Variants in GXYLT2 observed in about 807,000 individuals in gnomAD.
The protein encoded by GXYLT2 is glucoside xylosyltransferase 2.
In GXYLT2, 53 loss-of-function variants were observed where a neutral mutation model predicts 45.8. The observed-to-expected ratio is 1.16, with a 90% CI of 0.93 to 1.46. The LOEUF (loss-of-function observed/expected upper bound fraction) is 1.46, where lower values mean the gene tolerates loss of function less well. Among genes scored for constraint, GXYLT2 ranks in the 40% most tolerant of loss-of-function variants. The probability of loss-of-function intolerance (pLI) is 0.00; values close to 1 mark genes in which losing one functional copy is unlikely to be tolerated. For synonymous variants in GXYLT2, 219 were observed against 214.2 expected, an observed-to-expected ratio of 1.02 and a Z score of -0.19; for missense variants, 551 against 544.4, an observed-to-expected ratio of 1.01 and a Z score of -0.12.
At chr3:72,906,643 A>G (rs1166711101) in intron 1 of GXYLT2, among the ~76,000 whole-genome samples, 2 of 152,198 alleles carry the variant, frequency 1.3e-5, no homozygotes, top group African/African-American at 4.8e-5. Context: ...ACATAACAGT[A>G]CTTAGTAAAG....
intron 3 of GXYLT2, among the ~76,000 whole-genome samples, chr3:72,947,077 C>T (rs1198124451): frequency 6.6e-6 from 1 of 152,034 alleles, no homozygotes; most frequent in Non-Finnish European, 1.5e-5. Context: ...TTTTCAAACT[C>T]CTGGCCTCAA....
intron 3 of GXYLT2, chr3:72,929,116 C>A: frequency 1.3e-6 from 2 of 1,590,690 alleles, no homozygotes; most frequent in South Asian, 1.1e-5. Context: ...ACCGCTAGAT[C>A]AACCTGGAGC....
rs545446962 is a variant in GXYLT2 at position 72,943,671 on chromosome 3, C to A, written c.601-11427C>A. 5.9e-5 allele frequency among the ~76,000 whole-genome samples: 9 copies of A among 152,158 alleles called. No homozygotes were observed. The South Asian group carries it at 1.9e-3, about 32-fold the overall frequency. On this transcript the variant is annotated intron_variant, in intron 3 of 6. Transcript: ENST00000389617. ...GGATTACAGGCGTGATTACAGCACC[C>A]AGCCTCTTTTTCCTGTTCTTTATTA...
At chr3:72,907,022 G>T (rs1709524323) in intron 1 of GXYLT2, among the ~76,000 whole-genome samples, 1 of 152,192 alleles carries the variant, frequency 6.6e-6, no homozygotes, top group African/African-American at 2.4e-5. Context: ...TTAAAGATAA[G>T]ATTGGAGACA....
At chr3:72,921,129 A>G (rs973177535) in intron 2 of GXYLT2, among the ~76,000 whole-genome samples, 1 of 151,882 alleles carries the variant, frequency 6.6e-6, no homozygotes, top group Non-Finnish European at 1.5e-5. Context: ...CCTCATGCAT[A>G]TATTTTTTCC....
Position 72,922,227 on chromosome 3 carries a change from T to C in GXYLT2, c.492T>C (p.Tyr164=), listed in dbSNP as rs1709844529. The change falls in exon 3 of 7, where the codon TAT becomes TAC. Residue 164 remains tyrosine, a synonymous_variant. Coordinates refer to ENST00000389617, the MANE Select transcript of GXYLT2 (RefSeq NM_001080393.2). Reference sequence around the variant, plus strand: ...AGTTACGCCAGTGGCCTGACTCATATACAAAGAAGTTTGAGCACAGAATCT... The same window carrying C: ...AGTTACGCCAGTGGCCTGACTCATACACAAAGAAGTTTGAGCACAGAATCT... ...DKQLRQWPDS[Y]TKKFEHRIYP... is the part of the protein sequence containing the mutation. The C allele has an allele frequency of 6.2e-7, 1 of 1,613,694 alleles. No individual in the cohort carries two copies. Among genetic ancestry groups the C allele is most frequent in the Non-Finnish European group, 8.5e-7 (1 of 1,179,684 alleles).
rs771105101 is a variant in GXYLT2, at chr3:72,967,634, G to T, written c.1064G>T (p.Gly355Val). 2 of 1,613,934 alleles carry T rather than the reference G, an allele frequency of 1.2e-6. No individual in the cohort carries two copies. The highest frequency in any genetic ancestry group is 1.7e-6 in the Non-Finnish European group (2 of 1,179,854). Residue 355 changes from glycine to valine, a missense_variant, in exon 6 of 7, where the codon GGT becomes GTT. Physicochemically the swap from Gly to Val is moderately radical, Grantham distance 109 (BLOSUM62 -3). Coordinates refer to ENST00000389617, the MANE Select transcript of GXYLT2 (RefSeq NM_001080393.2). ...GSNCREAEHEGVSVLHGNRGV... is the reference protein window; with the variant it reads ...GSNCREAEHEVVSVLHGNRGV... ...AACTGCAGAGAGGCTGAGCATGAAG[G>T]TGTGTCTGTTCTGCATGGAAACCGA...
intron 2 of GXYLT2, among the ~76,000 whole-genome samples, chr3:72,909,893 A>G (rs1245532444): frequency 6.6e-6 from 1 of 152,180 alleles, no homozygotes; most frequent in African/African-American, 2.4e-5. Flanking sequence ...GAAATGCCCA[A>G]AAAAAGCATG....
chr3:72,922,570 G>T (rs181645131), intron 3 of GXYLT2, among the ~76,000 whole-genome samples: 15 of 152,272 alleles, frequency 9.9e-5, no homozygotes, highest in Non-Finnish European at 1.3e-4. Flanking sequence ...ATTGGTCTTT[G>T]TGACTATGGT....
chr3:72,944,647 C>T (rs1224317742), intron 3 of GXYLT2, among the ~76,000 whole-genome samples: 1 of 152,104 alleles, frequency 6.6e-6, no homozygotes, highest in Non-Finnish European at 1.5e-5. Flanking sequence ...TCTGTTTCCA[C>T]CTCCTGAATT....
At chr3:72,923,880 C>T (rs1036482066) in intron 3 of GXYLT2, among the ~76,000 whole-genome samples, 31 of 152,268 alleles carry the variant, frequency 2.0e-4, no homozygotes, top group African/African-American at 7.5e-4. Context: ...ATCCTCTCGC[C>T]TTGGCCTCCC....
At chr3:72,905,719 T>C (rs1382472383) in intron 1 of GXYLT2, among the ~76,000 whole-genome samples, 1 of 152,208 alleles carries the variant, frequency 6.6e-6, no homozygotes, top group African/African-American at 2.4e-5. Context: ...CTCTCCAAAG[T>C]GTTCAGTCCA....
At chr3:72,932,559 A>G (rs1575798057) in intron 3 of GXYLT2, among the ~76,000 whole-genome samples, 1 of 152,176 alleles carries the variant, frequency 6.6e-6, no homozygotes, top group South Asian at 2.1e-4. Context: ...ATTCTCCTCC[A>G]TGGGCCACAG....
intron 2 of GXYLT2, among the ~76,000 whole-genome samples, chr3:72,919,455 A>G (rs894940673): frequency 1.5e-4 from 23 of 152,228 alleles, no homozygotes; most frequent in African/African-American, 5.5e-4. Flanking sequence ...AAGAGACTAT[A>G]TAAAAAGATC....
At chr3:72,940,769 C>A (rs1710282661) in intron 3 of GXYLT2, among the ~76,000 whole-genome samples, 1 of 152,178 alleles carries the variant, frequency 6.6e-6, no homozygotes, top group Non-Finnish European at 1.5e-5. Flanking sequence ...GCAGCCTCCA[C>A]CTCCTGAGCT....
intron 3 of GXYLT2, among the ~76,000 whole-genome samples, chr3:72,931,701 T>G (rs1281220170): frequency 6.6e-6 from 1 of 151,860 alleles, no homozygotes; most frequent in East Asian, 1.9e-4. Flanking sequence ...CTCAAGTCAA[T>G]AGCCTAACCT....
chr3:72,954,694 A>G (rs1710600350), intron 3 of GXYLT2, among the ~76,000 whole-genome samples: 1 of 151,886 alleles, frequency 6.6e-6, no homozygotes, highest in East Asian at 1.9e-4. Context: ...TGTCCACTTC[A>G]GGTTTTCTAA....
chr3:72,905,466 T>C (rs1001672451), intron 1 of GXYLT2, among the ~76,000 whole-genome samples: 2 of 152,214 alleles, frequency 1.3e-5, no homozygotes, highest in African/African-American at 4.8e-5. Flanking sequence ...CTGGTTTATT[T>C]TTTTTCACTG....
At chr3:72,916,740 C>T (rs1195942019) in intron 2 of GXYLT2, among the ~76,000 whole-genome samples, 1 of 150,430 alleles carries the variant, frequency 6.6e-6, no homozygotes, top group Non-Finnish European at 1.5e-5. Flanking sequence ...GGGGTTTCAC[C>T]ATGTTGGCCA....
Sources: gnomAD v4.1 joint callset for allele counts (sites outside exome capture counted in the v4.1 genomes callset) on GRCh38, gnomAD v4.1.1 for gene constraint, MANE v1.5 for transcripts, NCBI Gene and HGNC (gene_info 2026-07-23, HGNC 2026-07-21) for gene names.